Variants in PLCZ1 observed in about 807,000 individuals in gnomAD.
The protein encoded by PLCZ1 is phospholipase C zeta 1.
A neutral mutation model predicts 76.8 loss-of-function variants in PLCZ1; 64 were observed. That is an observed-to-expected ratio of 0.83 (90% confidence interval 0.68 to 1.03). The LOEUF (loss-of-function observed/expected upper bound fraction) is 1.03, where lower values mean the gene tolerates loss of function less well. PLCZ1 is among the 50% of genes least tolerant of loss of function. The pLI, the probability that PLCZ1 is intolerant of heterozygous loss-of-function variation, is 0.00. For missense variants in PLCZ1, 751 were observed against 713.7 expected, an observed-to-expected ratio of 1.05 and a Z score of -0.60; for synonymous variants, 248 against 230.8, an observed-to-expected ratio of 1.07 and a Z score of -0.68.
intron 10 of PLCZ1, among the ~76,000 whole-genome samples, chr12:18,697,487 T>C (rs538688609): frequency 6.6e-6 from 1 of 152,292 alleles, no homozygotes. Context: ...TAAATGTGAA[T>C]GATGACTAAG....
the PLCZ1 span, among the ~76,000 whole-genome samples, chr12:18,657,053 T>C: frequency 1.3e-5 from 2 of 152,142 alleles, no homozygotes; most frequent in Non-Finnish European, 2.9e-5. Flanking sequence ...TGTTTTGACT[T>C]GGCTAGTGAT....
chr12:18,670,299 C>T, the PLCZ1 span, among the ~76,000 whole-genome samples: 14 of 152,158 alleles, frequency 9.2e-5, no homozygotes, highest in South Asian at 2.1e-4. Flanking sequence ...TATGCGCACA[C>T]ACACACACAC....
intron 12 of PLCZ1, among the ~76,000 whole-genome samples, chr12:18,690,156 T>A (rs1050787309): frequency 6.6e-6 from 1 of 152,204 alleles, no homozygotes; most frequent in Non-Finnish European, 1.5e-5. Context: ...CTAGATATAT[T>A]GGGCATATAC....
At position 18,701,557 on chromosome 12, in the gene PLCZ1, CTTGA is replaced by C; in HGVS notation, c.957_960del (p.Asn319LysfsTer7). 1 of 1,613,904 alleles carries C rather than the reference CTTGA, an allele frequency of 6.2e-7. No individual in the cohort carries two copies. Among genetic ancestry groups the C allele is most frequent in the Non-Finnish European group, 8.5e-7 (1 of 1,179,980 alleles). On this transcript the variant is annotated frameshift_variant, in exon 9 of 15. Transcript: ENST00000266505. LOFTEE classifies it high-confidence loss of function. ...AACTTTTTTACCCCTGTTTCCTTGTCTTGATTGTCTCCTAAAACAGATTCCAATA... is the reference window on the plus strand; with the variant it reads ...AACTTTTTTACCCCTGTTTCCTTGTCTTGTCTCCTAAAACAGATTCCAATA...
intron 7 of PLCZ1, among the ~76,000 whole-genome samples, chr12:18,702,659 A>C (rs73346915): frequency 0.049 from 7,481 of 152,158 alleles, 629 homozygotes; most frequent in African/African-American, 0.17. Flanking sequence ...TGTATCAAGA[A>C]TATTATCAGA....
chr12:18,695,236 C>A lies in PLCZ1; in HGVS notation c.1292-157G>T, dbSNP rs369683506. On this transcript the variant is annotated intron_variant, in intron 11 of 14. Coordinates refer to ENST00000266505, the MANE Select transcript of PLCZ1 (RefSeq NM_033123.4). ...TAATTCATGATTTTTAAAACTCTTT[C>A]TCCTGCCATGTCTATATTAATGTAT... 1.2e-4 allele frequency among the ~76,000 whole-genome samples: 19 copies of A among 152,278 alleles called. No individual in the cohort carries two copies. In the East Asian group the frequency reaches 1.4e-3, roughly 11 times the overall value.
chr12:18,717,922 A>T (rs570777692), intron 5 of PLCZ1, among the ~76,000 whole-genome samples: 1 of 152,270 alleles, frequency 6.6e-6, no homozygotes, highest in Non-Finnish European at 1.5e-5. Context: ...CCAAGCTAGC[A>T]ATATGCTGTA....
the PLCZ1 span, among the ~76,000 whole-genome samples, chr12:18,662,222 C>A: frequency 6.6e-6 from 1 of 152,080 alleles, no homozygotes; most frequent in Admixed American, 6.6e-5. Flanking sequence ...CTATGCTCAT[C>A]ACCTGGCTGA....
intron 5 of PLCZ1, among the ~76,000 whole-genome samples, chr12:18,715,477 C>G (rs1957877055): frequency 6.6e-6 from 1 of 151,660 alleles, no homozygotes; most frequent in Non-Finnish European, 1.5e-5. Context: ...TCTCGGCTCA[C>G]TGCAAGCTCC....
At chr12:18,724,171 G>A in intron 3 of PLCZ1, among the ~76,000 whole-genome samples, 1 of 152,162 alleles carries the variant, frequency 6.6e-6, no homozygotes, top group East Asian at 1.9e-4. Context: ...GGTTTGATTA[G>A]TTGTGCATTT....
At chr12:18,718,936 T>G (rs1565726895) in intron 5 of PLCZ1, among the ~76,000 whole-genome samples, 1 of 152,186 alleles carries the variant, frequency 6.6e-6, no homozygotes, top group Non-Finnish European at 1.5e-5. Flanking sequence ...TGGATTATTT[T>G]TAATCTATGT....
At chr12:18,650,710 ATC>A in the PLCZ1 span, among the ~76,000 whole-genome samples, 447 of 6,890 alleles carry the variant, frequency 0.065, 16 homozygotes, top group Admixed American at 0.084. Flanking sequence ...GTGTGTATAT[ATC>A]TATATATATA....
chr12:18,712,271 G>A (rs1175508090), intron 6 of PLCZ1, among the ~76,000 whole-genome samples: 2 of 152,086 alleles, frequency 1.3e-5, no homozygotes, highest in African/African-American at 2.4e-5. Context: ...CCTTAACATT[G>A]AGGGATTGCA....
At chr12:18,694,561 C>T (rs1954661025) in intron 12 of PLCZ1, among the ~76,000 whole-genome samples, 1 of 151,968 alleles carries the variant, frequency 6.6e-6, no homozygotes, top group African/African-American at 2.4e-5. Context: ...TCATCAAAGG[C>T]GAGAAAAAGT....
chr12:18,688,261 A>G (rs768585900), intron 12 of PLCZ1, 43 bp from the exon 13 acceptor site: 1 of 1,557,608 alleles, frequency 6.4e-7, no homozygotes, highest in Non-Finnish European at 8.7e-7. Flanking sequence ...CAAGATATTA[A>G]GTTACATCAC....
At chr12:18,684,802 C>T (rs1032614093) in intron 13 of PLCZ1, among the ~76,000 whole-genome samples, 4 of 151,948 alleles carry the variant, frequency 2.6e-5, no homozygotes, top group Non-Finnish European at 5.9e-5. Context: ...GAATTGTAAT[C>T]CCCAGGTGTT....
At chr12:18,674,790 A>G in the PLCZ1 span, among the ~76,000 whole-genome samples, 1 of 152,260 alleles carries the variant, frequency 6.6e-6, no homozygotes, top group African/African-American at 2.4e-5. Context: ...TGAAAGTGGT[A>G]TGGTATGACT....
At chr12:18,686,409 T>C (rs1329992106) in intron 13 of PLCZ1, among the ~76,000 whole-genome samples, 1 of 152,068 alleles carries the variant, frequency 6.6e-6, no homozygotes, top group African/African-American at 2.4e-5. Flanking sequence ...TCTCATTTTA[T>C]CTCTCACTAA....
intron 3 of PLCZ1, among the ~76,000 whole-genome samples, chr12:18,732,400 A>G (rs1482412393): frequency 6.6e-6 from 1 of 152,022 alleles, no homozygotes; most frequent in Non-Finnish European, 1.5e-5. Context: ...GATCTGCCCA[A>G]CTCAGCTTCA....
Sources: gnomAD v4.1 joint callset for allele counts (sites outside exome capture counted in the v4.1 genomes callset) on GRCh38, gnomAD v4.1.1 for gene constraint, MANE v1.5 for transcripts, NCBI Gene and HGNC (gene_info 2026-07-23, HGNC 2026-07-21) for gene names.